Variants in MCM6 observed in about 807,000 individuals in gnomAD.
MCM6 encodes the protein DNA replication licensing factor MCM6.
In MCM6, 46 loss-of-function variants were observed where a neutral mutation model predicts 94.3. The ratio of observed to expected loss-of-function variants is 0.49; its 90% CI spans 0.39 to 0.62. The LOEUF is 0.62. MCM6 is among the 20% of genes least tolerant of loss of function. The pLI is 0.00. For missense variants in MCM6, 865 were observed against 1,017.9 expected (o/e 0.85, Z 2.04); for synonymous variants, 335 against 351.9 (o/e 0.95, Z 0.54).
At chr2:135,873,975 G>C (rs4988149) in intron 1 of MCM6, among the ~76,000 whole-genome samples, 3,552 of 152,320 alleles carry the variant, frequency 0.023, 124 homozygotes, top group African/African-American at 0.08. Flanking sequence ...AGAGAAGGTA[G>C]GGGAGAAGTG....
At chr2:135,843,107 T>C (rs1679604623) in intron 16 of MCM6, among the ~76,000 whole-genome samples, 2 of 152,084 alleles carry the variant, frequency 1.3e-5, no homozygotes, top group African/African-American at 4.8e-5. Flanking sequence ...ACACTGAAGC[T>C]GGGGGTCAGA....
rs757228396 is a variant in MCM6 at position 135,840,896 on chromosome 2, C to A, written c.2405G>T (p.Ser802Ile). The A allele has an allele frequency of 6.2e-7, 1 of 1,614,070 alleles. No individual in the cohort carries two copies. Among genetic ancestry groups the A allele is most frequent in the Non-Finnish European group, 8.5e-7 (1 of 1,180,004 alleles). ...QAGLKGSTEG[S>I]ESYEEDPYLV... ...GTAGGGATCTTCTTCATAGCTCTCA[C>A]TTCCCTCTGTGGAGCCTTTCAATCC... is the stretch of plus-strand genomic sequence containing the variant. The change falls in exon 17 of 17, where the codon AGT becomes ATT. Residue 802 changes from serine (S) to isoleucine (I), a missense_variant. By Grantham distance (142) the Ser-to-Ile change is moderately radical. Around this residue, in one of 3 missense-constraint regions of MCM6, gnomAD observed 308 missense variants for 324.5 expected, o/e 0.95. Coordinates refer to ENST00000264156, the MANE Select transcript of MCM6 (RefSeq NM_005915.6).
intron 16 of MCM6, among the ~76,000 whole-genome samples, chr2:135,842,508 G>A (rs964891821): frequency 4.6e-5 from 7 of 152,100 alleles, no homozygotes; most frequent in Admixed American, 1.3e-4. Context: ...CTGTAGCTCC[G>A]GGGCAAAGTC....
In MCM6 at chr2:135,846,206, G is replaced by GTA. The variant is rs1679667914; in HGVS notation, c.2209+30_2209+31insTA. On this transcript the variant is annotated intron_variant, in intron 15 of 16. Coordinates refer to ENST00000264156, the MANE Select transcript of MCM6 (RefSeq NM_005915.6). ...GTGAACAGAGCTTACAGAAGTGACC[G>GTA]AGCATGTAAGCAGTACCAGGTAAGC... 4 of 1,608,584 alleles carry GTA rather than the reference G, an allele frequency of 2.5e-6. No individual in the cohort carries two copies. In the African/African-American group the frequency reaches 4.0e-5, roughly 16 times the overall value.
At chr2:135,853,280 G>C (rs1679810420) in intron 11 of MCM6, among the ~76,000 whole-genome samples, 1 of 152,072 alleles carries the variant, frequency 6.6e-6, no homozygotes, top group Non-Finnish European at 1.5e-5. Context: ...GACCCTCCCT[G>C]TCTCTACAAA....
Position 135,844,730 on chromosome 2 carries a change from T to C in MCM6, c.2210-46A>G, listed in dbSNP as rs1575357259. On this transcript the variant is annotated intron_variant, in intron 15 of 16. Coordinates refer to ENST00000264156, the MANE Select transcript of MCM6 (RefSeq NM_005915.6). ...CAAATTATCCTAGCAACTCGTACTG[T>C]CAGTCCTTGGGTAAATCTCTGCCAC... is the stretch of plus-strand genomic sequence containing the variant. The C allele has an allele frequency of 1.3e-5, 19 of 1,487,530 alleles. No individual in the cohort carries two copies. The East Asian group carries it at 3.2e-4, about 25-fold the overall frequency. 92.1% of individuals were successfully genotyped at this position (1,487,530 alleles called of 1,614,324 possible).
At chr2:135,855,932 A>C (rs1350984234) in intron 11 of MCM6, among the ~76,000 whole-genome samples, 2 of 152,222 alleles carry the variant, frequency 1.3e-5, no homozygotes, top group African/African-American at 4.8e-5. Context: ...TCAGAATCCA[A>C]GTAAATCTAC....
intron 1 of MCM6, among the ~76,000 whole-genome samples, chr2:135,874,606 A>G (rs1271187233): frequency 6.6e-6 from 1 of 152,258 alleles, no homozygotes; most frequent in African/African-American, 2.4e-5. Flanking sequence ...AAAATGCAGT[A>G]TATATACAGG....
intron 11 of MCM6, among the ~76,000 whole-genome samples, chr2:135,853,236 C>G (rs1213998843): frequency 1.3e-5 from 2 of 152,128 alleles, no homozygotes; most frequent in Non-Finnish European, 2.9e-5. Flanking sequence ...AGCTTGAGGT[C>G]AAGAGTTTGA....
intron 11 of MCM6, among the ~76,000 whole-genome samples, chr2:135,856,324 T>C (rs1053247453): frequency 2.0e-5 from 3 of 152,084 alleles, no homozygotes; most frequent in Non-Finnish European, 4.4e-5. Context: ...ATGCCTGTAA[T>C]CCCAGCTACT....
chr2:135,844,266 G>C (rs1679631592), intron 16 of MCM6, among the ~76,000 whole-genome samples: 1 of 152,042 alleles, frequency 6.6e-6, no homozygotes, highest in East Asian at 1.9e-4. Flanking sequence ...TACGACCAAG[G>C]GCAAATATGA....
chr2:135,864,827 A>G (rs559069498), intron 7 of MCM6, among the ~76,000 whole-genome samples, 186 bp downstream of exon 7: 1 of 152,266 alleles, frequency 6.6e-6, no homozygotes, highest in Admixed American at 6.5e-5. Flanking sequence ...CCGTGTCTCT[A>G]TGAATTTGCA....
In MCM6 at chr2:135,859,183, G is replaced by A. The variant is rs145918931; in HGVS notation, c.1362+118C>T. On this transcript the variant is annotated intron_variant, in intron 9 of 16. Coordinates refer to ENST00000264156, the MANE Select transcript of MCM6 (RefSeq NM_005915.6). The stretch of plus-strand genomic sequence containing the variant: ...TACTGGGACAAAGGTGTGAGCCACC[G>A]CGCCCAGCTGAGAATGCTGTTTTTA... 325 of 802,556 alleles carry A rather than the reference G, an allele frequency of 4.0e-4. 3 individuals carry two copies. In the East Asian group the frequency reaches 7.1e-3, roughly 17 times the overall value. The allele number at this position is 802,556 out of a possible 1,614,324, so 49.7% of individuals were successfully genotyped here. A position where few individuals can be genotyped will look rare whatever the true frequency, so the allele number is the denominator to read the frequency against.
In MCM6 at chr2:135,866,737, C is replaced by T. The variant is rs751849598; in HGVS notation, c.616-9G>A. 1.5e-5 allele frequency: 24 copies of T among 1,589,168 alleles called. No individual in the cohort carries two copies. Among genetic ancestry groups the T allele is most frequent in the African/African-American group, 2.7e-5 (2 of 73,910 alleles). ...GTCTCTTGAATACGAACCTGTAATA[C>T]AGACAAACAACCAACCAAGAATGAG... On this transcript the variant is annotated splice_polypyrimidine_tract_variant and intron_variant, in intron 4 of 16. Transcript: ENST00000264156.
At position 135,872,775 on chromosome 2, in the gene MCM6, T is replaced by C; in HGVS notation, c.176A>G (p.Asn59Ser). 6.2e-7 allele frequency: 1 copy of C among 1,614,180 alleles called. No individual in the cohort carries two copies. Among genetic ancestry groups the C allele is most frequent in the Non-Finnish European group, 8.5e-7 (1 of 1,180,028 alleles). ...GTCCACAAAACTCACAACCAATGTGTTTCTCTCAGGACGAATCAGTTCCTC... is the reference window on the plus strand; with the variant it reads ...GTCCACAAAACTCACAACCAATGTGCTTCTCTCAGGACGAATCAGTTCCTC... ...LAEELIRPERNTLVVSFVDLE... is the reference protein window; with the variant it reads ...LAEELIRPERSTLVVSFVDLE... The change falls in exon 2 of 17, where the codon AAC becomes AGC. Residue 59 changes from asparagine (N) to serine (S), a missense_variant. By Grantham distance (46) the Asn-to-Ser change is conservative. Coordinates refer to ENST00000264156, the MANE Select transcript of MCM6 (RefSeq NM_005915.6).
At chr2:135,863,476 A>C (rs1257402876) in intron 7 of MCM6, among the ~76,000 whole-genome samples, 1 of 152,200 alleles carries the variant, frequency 6.6e-6, no homozygotes, top group Non-Finnish European at 1.5e-5. Flanking sequence ...GGAAGATCCG[A>C]GCACTTTGGA....
Position 135,839,642 on chromosome 2 carries a change from C to T in MCM6, c.*1193G>A, listed in dbSNP as rs1000514188. 3 of 152,124 alleles carry T rather than the reference C, an allele frequency of 2.0e-5. No individual in the cohort carries two copies. The highest frequency in any genetic ancestry group is 7.2e-5 in the African/African-American group (3 of 41,436). The allele number at this position is 152,124 out of a possible 1,614,324, so 9.4% of individuals were successfully genotyped here. On this transcript the variant is annotated 3_prime_UTR_variant, in exon 17 of 17. Transcript: ENST00000264156. Reference sequence around the variant, plus strand: ...TATTCACTCTTGTTTTTAATGTTTGCCATTTATTTTTAAAATACTTAATTG... The same window carrying T: ...TATTCACTCTTGTTTTTAATGTTTGTCATTTATTTTTAAAATACTTAATTG...
At chr2:135,872,220 C>T (rs905141261) in intron 2 of MCM6, among the ~76,000 whole-genome samples, 18 of 151,992 alleles carry the variant, frequency 1.2e-4, no homozygotes, top group African/African-American at 4.1e-4. Flanking sequence ...CCGAGGCGGG[C>T]GGATCACCTG....
chr2:135,841,115 T>C (rs546136380), intron 16 of MCM6, among the ~76,000 whole-genome samples, 164 bp from the exon 17 acceptor site: 1 of 152,350 alleles, frequency 6.6e-6, no homozygotes, highest in South Asian at 2.1e-4. Context: ...TCACTATCAG[T>C]GCTCTGCTAA....
Sources: gnomAD v4.1 joint callset for allele counts (sites outside exome capture counted in the v4.1 genomes callset) on GRCh38, gnomAD v4.1.1 for gene constraint, gnomAD v4.1.1 regional missense constraint, MANE v1.5 for transcripts, NCBI Gene and HGNC (gene_info 2026-07-23, HGNC 2026-07-21) for gene names.